Variants in MAGI1 observed in about 807,000 individuals in gnomAD.
MAGI1 encodes membrane associated guanylate kinase, WW and PDZ domain containing 1, also known as membrane-associated guanylate kinase, WW and PDZ domain-containing protein 1.
MAGI1 carries 58 observed loss-of-function variants against 139.9 expected under a neutral mutation model. The ratio of observed to expected loss-of-function variants is 0.41; its 90% CI spans 0.34 to 0.52. MAGI1 has a LOEUF of 0.52. MAGI1 is among the 20% of genes least tolerant of loss of function. MAGI1 has a pLI of 0.12. For missense variants in MAGI1, 1,874 were observed against 1,901.6 expected (o/e 0.99, Z 0.27); for synonymous variants, 812 against 737.9 (o/e 1.10, Z -1.63).
At chr3:65,436,576 C>T (rs1947870678) in intron 10 of MAGI1, among the ~76,000 whole-genome samples, 2 of 152,122 alleles carry the variant, frequency 1.3e-5, no homozygotes, top group African/African-American at 2.4e-5. Flanking sequence ...AATATCAAAC[C>T]ATTTTCATTT....
At chr3:65,602,378 A>G (rs1415346628) in intron 2 of MAGI1, among the ~76,000 whole-genome samples, 3 of 152,206 alleles carry the variant, frequency 2.0e-5, no homozygotes, top group African/African-American at 7.2e-5. Flanking sequence ...ATAAAAAGGA[A>G]TGAAATACTG....
rs181423497 is a variant in MAGI1, at chr3:65,951,646, C to G, written c.313+86350G>C. On this transcript the variant is annotated intron_variant, in intron 1 of 22. Transcript: ENST00000402939. ...TTCTTTTTTACTCTTTTTAAAGTAG[C>G]TACCAGACAATTTTAAATTACAAGT... Among the ~76,000 whole-genome samples, 83 of 152,226 alleles carry G rather than the reference C, an allele frequency of 5.5e-4. 1 individual carries two copies. The highest frequency in any genetic ancestry group is 1.8e-3 in the African/African-American group (76 of 41,546).
intron 1 of MAGI1, among the ~76,000 whole-genome samples, chr3:65,692,618 C>T (rs2088780136): frequency 6.6e-6 from 1 of 152,114 alleles, no homozygotes; most frequent in Admixed American, 6.5e-5. Flanking sequence ...CCCAAAAATT[C>T]ATGTACTGGA....
intron 1 of MAGI1, among the ~76,000 whole-genome samples, chr3:65,650,406 G>T (rs974649187): frequency 2.6e-5 from 4 of 152,164 alleles, no homozygotes; most frequent in African/African-American, 9.7e-5. Context: ...AGGATAGATG[G>T]TTAAACAAAC....
chr3:65,952,675 G>A (rs369101402), intron 1 of MAGI1, among the ~76,000 whole-genome samples: 4 of 152,108 alleles, frequency 2.6e-5, no homozygotes, highest in Non-Finnish European at 4.4e-5. Flanking sequence ...TTAGCCAAGC[G>A]TGGTGGCGGG....
intron 1 of MAGI1, among the ~76,000 whole-genome samples, chr3:65,790,112 G>A (rs1401440354): frequency 6.6e-6 from 1 of 152,178 alleles, no homozygotes; most frequent in Non-Finnish European, 1.5e-5. Flanking sequence ...TACTTGGGAA[G>A]AAAACTAGTT....
chr3:65,811,825 C>A (rs562848499), intron 1 of MAGI1, among the ~76,000 whole-genome samples: 52 of 151,922 alleles, frequency 3.4e-4, no homozygotes, highest in Non-Finnish European at 6.6e-4. Flanking sequence ...ATAAAGAATC[C>A]CCCCTTGTTC....
intron 2 of MAGI1, among the ~76,000 whole-genome samples, chr3:65,506,186 G>A (rs2077280394): frequency 6.6e-6 from 1 of 152,080 alleles, no homozygotes; most frequent in Non-Finnish European, 1.5e-5. Flanking sequence ...CATAGACAAG[G>A]TAAACATTTT....
chr3:65,785,281 G>C (rs2039293433), intron 1 of MAGI1, among the ~76,000 whole-genome samples: 1 of 152,186 alleles, frequency 6.6e-6, no homozygotes, highest in Admixed American at 6.5e-5. Context: ...CACAGCTACA[G>C]AAAACCGAGT....
chr3:65,754,191 CCTT>C (rs2036382786), intron 1 of MAGI1, among the ~76,000 whole-genome samples: 1 of 152,182 alleles, frequency 6.6e-6, no homozygotes, highest in Middle Eastern at 3.4e-3. Flanking sequence ...ATCCACAATT[CCTT>C]CTTATCACTG....
intron 1 of MAGI1, among the ~76,000 whole-genome samples, chr3:65,655,240 T>C (rs995917196): frequency 4.6e-5 from 7 of 152,088 alleles, no homozygotes; most frequent in Admixed American, 2.6e-4. Context: ...GAAAAAACAG[T>C]GTCTCACCAC....
At chr3:65,815,439 C>A (rs937017678) in intron 1 of MAGI1, among the ~76,000 whole-genome samples, 2 of 152,222 alleles carry the variant, frequency 1.3e-5, no homozygotes, top group East Asian at 1.9e-4. Flanking sequence ...TCTATAGATG[C>A]CTTCCTACGC....
At chr3:66,023,479 A>G (rs535372192) in intron 1 of MAGI1, among the ~76,000 whole-genome samples, 1 of 152,322 alleles carries the variant, frequency 6.6e-6, no homozygotes, top group Admixed American at 6.5e-5. Flanking sequence ...TGAATTATGC[A>G]ATGCAGAACA....
intron 1 of MAGI1, among the ~76,000 whole-genome samples, chr3:65,664,424 G>A (rs547114142): frequency 5.3e-5 from 8 of 152,194 alleles, no homozygotes; most frequent in Non-Finnish European, 8.8e-5. Flanking sequence ...TTTAATGCTC[G>A]TAACAACCCT....
intron 1 of MAGI1, among the ~76,000 whole-genome samples, chr3:66,014,113 A>C (rs1174679810): frequency 1.3e-5 from 2 of 152,120 alleles, no homozygotes; most frequent in East Asian, 3.9e-4. Flanking sequence ...CCCAATTCCA[A>C]TCCTCAGAGG....
intron 1 of MAGI1, among the ~76,000 whole-genome samples, chr3:65,800,451 A>G (rs1409499989): frequency 6.6e-6 from 1 of 152,136 alleles, no homozygotes; most frequent in Non-Finnish European, 1.5e-5. Flanking sequence ...TTAGAGGGAA[A>G]CCTTAGCAAA....
At chr3:65,368,867 T>G (rs1345425258) in intron 18 of MAGI1, among the ~76,000 whole-genome samples, 1 of 152,218 alleles carries the variant, frequency 6.6e-6, no homozygotes, top group Non-Finnish European at 1.5e-5. Context: ...ATTTTTAAGC[T>G]TCTAAAGATT....
chr3:65,658,962 A>G (rs949924523), intron 1 of MAGI1, among the ~76,000 whole-genome samples: 4 of 152,194 alleles, frequency 2.6e-5, no homozygotes, highest in African/African-American at 9.6e-5. Context: ...CTTGTGGATT[A>G]ATGACAGTTG....
chr3:65,912,687 T>C (rs2108681063), intron 1 of MAGI1, among the ~76,000 whole-genome samples: 1 of 152,232 alleles, frequency 6.6e-6, no homozygotes. Context: ...AATGTGAAAA[T>C]AAGGATTCTT....
Sources: allele counts gnomAD v4.1 joint callset (sites outside exome capture counted in the v4.1 genomes callset), GRCh38; gene constraint gnomAD v4.1.1; transcripts MANE v1.5; gene names NCBI Gene and HGNC (gene_info 2026-07-23, HGNC 2026-07-21).